TENT4B: variants seen among roughly 807,000 people sequenced by gnomAD.
TENT4B encodes the protein PAP associated domain containing 5.
TENT4B carries 10 observed loss-of-function variants against 75.0 expected under a neutral mutation model. The observed-to-expected ratio is 0.13, with a 90% CI of 0.08 to 0.23. TENT4B has a LOEUF of 0.23. Among genes scored for constraint, TENT4B ranks in the 10% least tolerant of loss-of-function variants. The probability of loss-of-function intolerance (pLI) is 1.00; values close to 1 mark genes in which losing one functional copy is unlikely to be tolerated. For synonymous variants in TENT4B, 350 were observed against 357.7 expected (o/e 0.98, Z 0.24); for missense variants, 579 against 893.8 (o/e 0.65, Z 4.49).
intron 1 of TENT4B, among the ~76,000 whole-genome samples, chr16:50,156,447 C>G (rs746577231): frequency 4.6e-5 from 7 of 151,582 alleles, no homozygotes; most frequent in Non-Finnish European, 7.4e-5. Flanking sequence ...CAGGTTCAAG[C>G]GATTCTGCTG....
At chr16:50,205,235 A>T (rs2030882256) in intron 1 of TENT4B, among the ~76,000 whole-genome samples, 1 of 152,138 alleles carries the variant, frequency 6.6e-6, no homozygotes, top group African/African-American at 2.4e-5. Flanking sequence ...TAGTGGGTGG[A>T]ACATGCATAC....
rs1240762386 is a variant in TENT4B at position 50,229,742 on chromosome 16, AG to A, written c.*416del. 5 of 987,982 alleles carry A rather than the reference AG, an allele frequency of 5.1e-6. No homozygotes were observed. Among genetic ancestry groups the A allele is most frequent in the Non-Finnish European group, 6.0e-6 (5 of 831,534 alleles). The allele number at this position is 987,982 out of a possible 1,614,324, so 61.2% of individuals were successfully genotyped here. A position where few individuals can be genotyped will look rare whatever the true frequency, so the allele number is the denominator to read the frequency against. On this transcript the variant is annotated 3_prime_UTR_variant, in exon 12 of 12. Transcript: ENST00000561678. ...GGGAAGGAAAACAAAGGTATCTGAT[AG>A]GAAGTCCAGATTCCAAAGGGGAAAG...
In TENT4B at chr16:50,230,856, T is replaced by C. The variant is rs1419134146; in HGVS notation, c.*1528T>C. ...CTTTCTTTCAGGGTGAAAGCTCTTATGTTTAGCATCAATGTGTATGGCTCT... is the reference window on the plus strand; with the variant it reads ...CTTTCTTTCAGGGTGAAAGCTCTTACGTTTAGCATCAATGTGTATGGCTCT... On this transcript the variant is annotated 3_prime_UTR_variant, in exon 12 of 12. Coordinates refer to ENST00000561678, the MANE Select transcript of TENT4B (RefSeq NM_001365324.3). The C allele has an allele frequency of 1.5e-5, 15 of 985,564 alleles. No homozygotes were observed. The highest frequency in any genetic ancestry group is 1.1e-4 in the East Asian group (1 of 8,830). 61.1% of individuals were successfully genotyped at this position (985,564 alleles called of 1,614,324 possible). A position where few individuals can be genotyped will look rare whatever the true frequency, so the allele number is the denominator to read the frequency against.
At chr16:50,176,423 A>G (rs1274457227) in intron 1 of TENT4B, among the ~76,000 whole-genome samples, 2 of 151,566 alleles carry the variant, frequency 1.3e-5, no homozygotes, top group East Asian at 3.9e-4. Flanking sequence ...TGAAAAAAAA[A>G]TCCACATATA....
At chr16:50,221,799 T>TGGG (rs1402913973) in intron 5 of TENT4B, among the ~76,000 whole-genome samples, 23 of 152,154 alleles carry the variant, frequency 1.5e-4, no homozygotes, top group African/African-American at 5.1e-4. Context: ...AGTCTTGCTC[T>TGGG]GTCACCCAGG....
chr16:50,189,902 C>A (rs2038606391), intron 1 of TENT4B, among the ~76,000 whole-genome samples: 1 of 151,452 alleles, frequency 6.6e-6, no homozygotes. Flanking sequence ...CATGGTGAAA[C>A]CCCATCTCTA....
intron 1 of TENT4B, among the ~76,000 whole-genome samples, chr16:50,164,849 C>T (rs1411126056): frequency 6.6e-6 from 1 of 151,046 alleles, no homozygotes; most frequent in Non-Finnish European, 1.5e-5. Context: ...TCCAGGAGTT[C>T]AAGAGCAGCT....
chr16:50,198,119 T>TAA (rs10682302), intron 1 of TENT4B, among the ~76,000 whole-genome samples: 5,067 of 134,104 alleles, frequency 0.038, 344 homozygotes, highest in African/African-American at 0.13. Flanking sequence ...AAAATATAAT[T>TAA]AAAAAAAAAA....
In TENT4B at chr16:50,153,383, G is replaced by A. The variant is rs1387628100; in HGVS notation, c.-239G>A. On this transcript the variant is annotated 5_prime_UTR_variant, in exon 1 of 12. Coordinates refer to ENST00000561678, the MANE Select transcript of TENT4B (RefSeq NM_001365324.3). ...ACAGGGGCTCGGCGGAGGGGCGGAG[G>A]GGCGGAGGGAGGGGGGGAGGGCCCG... is the stretch of plus-strand genomic sequence containing the variant. 6.8e-6 allele frequency among the ~76,000 whole-genome samples: 1 copy of A among 146,380 alleles called. No individual in the cohort carries two copies. The highest frequency in any genetic ancestry group is 2.5e-5 in the African/African-American group (1 of 40,744).
intron 1 of TENT4B, among the ~76,000 whole-genome samples, chr16:50,156,011 C>A (rs2037892140): frequency 6.6e-6 from 1 of 152,004 alleles, no homozygotes; most frequent in South Asian, 2.1e-4. Context: ...AGAAGATACT[C>A]TAAAAGGTTC....
chr16:50,212,078 T>C (rs1297172966), intron 2 of TENT4B, among the ~76,000 whole-genome samples: 2 of 152,206 alleles, frequency 1.3e-5, no homozygotes, highest in Non-Finnish European at 2.9e-5. Flanking sequence ...TTTTTGTTTT[T>C]GAGATGGGGT....
At chr16:50,227,805 T>A in intron 10 of TENT4B, 34 bp from the exon 11 acceptor site, 1 of 1,601,956 alleles carries the variant, frequency 6.2e-7, no homozygotes, top group Non-Finnish European at 8.5e-7. Context: ...AAATTACTAA[T>A]ATGTCACATT....
chr16:50,175,928 GA>G (rs2038299252), intron 1 of TENT4B, among the ~76,000 whole-genome samples: 2 of 151,632 alleles, frequency 1.3e-5, no homozygotes, highest in Non-Finnish European at 2.9e-5. Flanking sequence ...GACTACAGGT[GA>G]GCACCACTCT....
At chr16:50,182,891 CTTTTTTTTTTTTTTTTTTT>C (rs869060811) in intron 1 of TENT4B, among the ~76,000 whole-genome samples, 8 of 36,458 alleles carry the variant, frequency 2.2e-4, no homozygotes, top group Non-Finnish European at 2.0e-4. Flanking sequence ...TTTATTTTAC[CTTTTTTTTTTTTTTTTTTT>C]TTTTTTTTTT....
intron 1 of TENT4B, among the ~76,000 whole-genome samples, chr16:50,174,595 G>A (rs541368096): frequency 1.1e-4 from 17 of 152,168 alleles, no homozygotes; most frequent in African/African-American, 4.1e-4. Flanking sequence ...ATTTCAAAAT[G>A]TCTAGCTATT....
chr16:50,214,090 A>G (rs1331542490), intron 2 of TENT4B, 131 bp from the exon 3 acceptor site: 1 of 663,444 alleles, frequency 1.5e-6, no homozygotes, highest in Non-Finnish European at 2.7e-6. Flanking sequence ...GGTTAGAAAA[A>G]AATGCTCTTG....
chr16:50,230,848 A>G lies in TENT4B; in HGVS notation c.*1520A>G, dbSNP rs1366240541. 1 of 985,556 alleles carries G rather than the reference A, an allele frequency of 1.0e-6. No individual in the cohort carries two copies. The highest frequency in any genetic ancestry group is 1.2e-6 in the Non-Finnish European group (1 of 829,816). The allele number at this position is 985,556 out of a possible 1,614,324, so 61.1% of individuals were successfully genotyped here. On this transcript the variant is annotated 3_prime_UTR_variant, in exon 12 of 12. Coordinates refer to ENST00000561678, the MANE Select transcript of TENT4B (RefSeq NM_001365324.3). ...TGAAAATGCTTTCTTTCAGGGTGAA[A>G]GCTCTTATGTTTAGCATCAATGTGT... is the stretch of plus-strand genomic sequence containing the variant.
At chr16:50,171,585 TATAC>T (rs1198726198) in intron 1 of TENT4B, among the ~76,000 whole-genome samples, 24 of 21,044 alleles carry the variant, frequency 1.1e-3, no homozygotes, top group Admixed American at 7.3e-3. Flanking sequence ...GCCCAAGGCA[TATAC>T]GGTTGATATT....
chr16:50,203,400 C>T (rs2030766968), intron 1 of TENT4B, among the ~76,000 whole-genome samples: 1 of 152,062 alleles, frequency 6.6e-6, no homozygotes, highest in African/African-American at 2.4e-5. Context: ...TTTCAAGTGA[C>T]CTTGTATTGT....
Sources: allele counts gnomAD v4.1 joint callset (sites outside exome capture counted in the v4.1 genomes callset), GRCh38; gene constraint gnomAD v4.1.1; transcripts MANE v1.5; gene names NCBI Gene and HGNC (gene_info 2026-07-23, HGNC 2026-07-21).